Variants in SYNPR observed in about 807,000 individuals in gnomAD.
SYNPR encodes the protein synaptoporin.
Under a neutral mutation model 32.9 loss-of-function variants are expected in SYNPR, and 23 were observed. The observed-to-expected ratio is 0.70, with a 90% CI of 0.50 to 0.99. SYNPR has a LOEUF of 0.99. SYNPR is among the 50% of genes least tolerant of loss of function. The probability of loss-of-function intolerance (pLI) is 0.00; values close to 1 mark genes in which losing one functional copy is unlikely to be tolerated. For synonymous variants in SYNPR, 146 were observed against 135.9 expected (o/e 1.07, Z -0.52); for missense variants, 318 against 349.3 (o/e 0.91, Z 0.71).
chr3:63,293,148 C>T (rs895850238), intron 2 of SYNPR, among the ~76,000 whole-genome samples: 2 of 152,158 alleles, frequency 1.3e-5, no homozygotes, highest in Non-Finnish European at 2.9e-5. Flanking sequence ...GTGCTACCTA[C>T]ATTACATACT....
chr3:63,572,572 A>T (rs1282243551), intron 4 of SYNPR, among the ~76,000 whole-genome samples: 1 of 152,080 alleles, frequency 6.6e-6, no homozygotes, highest in Non-Finnish European at 1.5e-5. Flanking sequence ...GAGGTCAGAA[A>T]TTAAATGCTG....
intron 2 of SYNPR, among the ~76,000 whole-genome samples, chr3:63,431,087 C>T (rs1156946058): frequency 6.6e-6 from 1 of 152,174 alleles, no homozygotes; most frequent in Non-Finnish European, 1.5e-5. Context: ...AGCAGAGCCA[C>T]CAACACTTCT....
chr3:63,329,871 G>T (rs1560194002), intron 2 of SYNPR, among the ~76,000 whole-genome samples: 1 of 152,122 alleles, frequency 6.6e-6, no homozygotes, highest in South Asian at 2.1e-4. Flanking sequence ...GGGGTCCTTT[G>T]CTTGGCCTAG....
intron 2 of SYNPR, among the ~76,000 whole-genome samples, chr3:63,340,707 C>A (rs530091633): frequency 6.6e-6 from 1 of 152,304 alleles, no homozygotes; most frequent in East Asian, 1.9e-4. Flanking sequence ...GCGTGAGCCA[C>A]CGCGCCCGGC....
intron 5 of SYNPR, among the ~76,000 whole-genome samples, chr3:63,610,899 C>G (rs190096330): frequency 1.1e-4 from 16 of 152,144 alleles, no homozygotes; most frequent in African/African-American, 3.9e-4. Flanking sequence ...GATGTGTCTC[C>G]TAAAACCAAA....
At chr3:63,452,389 C>A (rs921421582) in intron 2 of SYNPR, among the ~76,000 whole-genome samples, 2 of 152,080 alleles carry the variant, frequency 1.3e-5, no homozygotes, top group African/African-American at 4.8e-5. Context: ...AGGCACGGAT[C>A]CAAGTGTTTT....
intron 1 of SYNPR, among the ~76,000 whole-genome samples, chr3:63,240,315 C>G (rs1047195369): frequency 8.5e-5 from 13 of 152,054 alleles, no homozygotes; most frequent in African/African-American, 3.1e-4. Context: ...ATCAGAAGCA[C>G]CCATCCCATT....
chr3:63,372,274 T>C (rs6791642), intron 2 of SYNPR, among the ~76,000 whole-genome samples: 108,019 of 151,974 alleles, frequency 0.71, 39,632 homozygotes, highest in East Asian at 0.93. Flanking sequence ...ACCCCCTGCT[T>C]CTCACCAAGT....
At chr3:63,535,731 CAA>C (rs3083192) in intron 3 of SYNPR, among the ~76,000 whole-genome samples, 31,896 of 137,736 alleles carry the variant, frequency 0.23, 3,399 homozygotes, top group East Asian at 0.34. Context: ...TATCCACATG[CAA>C]AAAAAAAAAA....
chr3:63,450,320 C>T (rs989976873), intron 2 of SYNPR, among the ~76,000 whole-genome samples: 2 of 152,158 alleles, frequency 1.3e-5, no homozygotes, highest in African/African-American at 4.8e-5. Context: ...GCAGATAACA[C>T]CTTCAAACTA....
At chr3:63,315,146 T>C (rs751975131) in intron 2 of SYNPR, among the ~76,000 whole-genome samples, 2 of 152,076 alleles carry the variant, frequency 1.3e-5, no homozygotes, top group Non-Finnish European at 2.9e-5. Flanking sequence ...GGCCTTATAG[T>C]ATAGTTTGAA....
intron 2 of SYNPR, among the ~76,000 whole-genome samples, chr3:63,326,787 T>C (rs2087173466): frequency 6.6e-6 from 1 of 152,128 alleles, no homozygotes; most frequent in Non-Finnish European, 1.5e-5. Context: ...GAAAGCCAAG[T>C]TCCTGGTAAG....
intron 4 of SYNPR, among the ~76,000 whole-genome samples, chr3:63,565,176 G>C (rs576969829): frequency 6.6e-6 from 1 of 152,170 alleles, no homozygotes; most frequent in Non-Finnish European, 1.5e-5. Flanking sequence ...TCCTTTCTCA[G>C]ACAGACCAGG....
intron 4 of SYNPR, among the ~76,000 whole-genome samples, chr3:63,576,950 C>T (rs372062373): frequency 4.0e-4 from 61 of 151,216 alleles, no homozygotes; most frequent in African/African-American, 1.4e-3. Context: ...TCTACCCCTA[C>T]AGGATACATT....
At chr3:63,517,118 C>G (rs1701815165) in intron 3 of SYNPR, among the ~76,000 whole-genome samples, 1 of 152,008 alleles carries the variant, frequency 6.6e-6, no homozygotes, top group Non-Finnish European at 1.5e-5. Context: ...AATTCCTAGA[C>G]CTAGATGTTT....
chr3:63,431,771 C>T (rs1234673494), intron 2 of SYNPR, among the ~76,000 whole-genome samples: 1 of 150,888 alleles, frequency 6.6e-6, no homozygotes, highest in Non-Finnish European at 1.5e-5. Flanking sequence ...CTGAGAAGTA[C>T]AGCCAGAACC....
intron 2 of SYNPR, among the ~76,000 whole-genome samples, chr3:63,399,148 T>C (rs2088256924): frequency 6.6e-6 from 1 of 152,214 alleles, no homozygotes; most frequent in Non-Finnish European, 1.5e-5. Flanking sequence ...TGCAAAATGT[T>C]GGACTTTGCA....
At chr3:63,483,171 A>G (rs1335379137) in intron 3 of SYNPR, among the ~76,000 whole-genome samples, 2 of 152,320 alleles carry the variant, frequency 1.3e-5, no homozygotes, top group African/African-American at 4.8e-5. Flanking sequence ...AATGCATGTA[A>G]TATGCATGTA....
intron 2 of SYNPR, among the ~76,000 whole-genome samples, chr3:63,286,292 G>A (rs6792896): frequency 0.46 from 70,555 of 152,022 alleles, 16,561 homozygotes; most frequent in Middle Eastern, 0.52. Context: ...GGGGTTTGTC[G>A]TAGAGGTGTG....
Sources: allele counts gnomAD v4.1 joint callset (sites outside exome capture counted in the v4.1 genomes callset), GRCh38; gene constraint gnomAD v4.1.1; transcripts MANE v1.5; gene names NCBI Gene and HGNC (gene_info 2026-07-23, HGNC 2026-07-21).